ST3GAL5: variants seen among roughly 807,000 people sequenced by gnomAD.
ST3GAL5 encodes the protein lactosylceramide alpha-2,3-sialyltransferase.
Under a neutral mutation model 46.1 loss-of-function variants are expected in ST3GAL5, and 25 were observed. The ratio of observed to expected loss-of-function variants is 0.54; its 90% CI spans 0.40 to 0.76. The LOEUF (loss-of-function observed/expected upper bound fraction) is 0.76, where lower values mean the gene tolerates loss of function less well. Ranked by LOEUF, ST3GAL5 falls within the 30% of genes least tolerant of loss-of-function variation. The probability of loss-of-function intolerance (pLI) is 0.00; values close to 1 mark genes in which losing one functional copy is unlikely to be tolerated. For synonymous variants in ST3GAL5, 182 were observed against 192.7 expected (o/e 0.94, Z 0.46); for missense variants, 431 against 521.2 (o/e 0.83, Z 1.69).
chr2:85,872,128 C>T (rs571499877), intron 1 of ST3GAL5, among the ~76,000 whole-genome samples: 4 of 151,894 alleles, frequency 2.6e-5, no homozygotes, highest in African/African-American at 4.8e-5. Context: ...GTGAGGGGGA[C>T]GGGGAAGGAA....
At chr2:85,871,200 C>A (rs1307301469) in intron 1 of ST3GAL5, among the ~76,000 whole-genome samples, 1 of 152,196 alleles carries the variant, frequency 6.6e-6, no homozygotes, top group East Asian at 1.9e-4. Flanking sequence ...CCATACCCAG[C>A]TGATTTTTTT....
intron 1 of ST3GAL5, 59 bp from the exon 2 acceptor site, chr2:85,863,544 G>A (rs1684955003): frequency 6.3e-7 from 1 of 1,594,122 alleles, no homozygotes; most frequent in African/African-American, 1.3e-5. Context: ...TAGGAGGATG[G>A]ATTATGGTTT....
chr2:85,875,099 A>G (rs1283131504), intron 1 of ST3GAL5, among the ~76,000 whole-genome samples: 2 of 152,162 alleles, frequency 1.3e-5, no homozygotes, highest in Admixed American at 1.3e-4. Context: ...TCGCTCTGTC[A>G]GCCAGGCTGG....
At chr2:85,864,794 A>G (rs1306245904) in intron 1 of ST3GAL5, among the ~76,000 whole-genome samples, 3 of 152,154 alleles carry the variant, frequency 2.0e-5, no homozygotes, top group Non-Finnish European at 2.9e-5. Flanking sequence ...CTGGATTTTT[A>G]GTGGGGCATA....
chr2:85,873,959 A>G (rs1355909031), intron 1 of ST3GAL5, among the ~76,000 whole-genome samples: 1 of 152,242 alleles, frequency 6.6e-6, no homozygotes, highest in Non-Finnish European at 1.5e-5. Flanking sequence ...CCTGCCCACC[A>G]GCAAGTTTCT....
chr2:85,844,591 C>T (rs746434169), intron 5 of ST3GAL5, 37 bp from the exon 6 acceptor site: 1 of 1,613,176 alleles, frequency 6.2e-7, no homozygotes, highest in Admixed American at 1.7e-5. Flanking sequence ...AGTCATCCTT[C>T]TAGGGGAGGG....
chr2:85,888,841 G>A lies in ST3GAL5; in HGVS notation c.65C>T (p.Ala22Val), dbSNP rs1357263916. 2.3e-6 allele frequency: 3 copies of A among 1,296,048 alleles called. No homozygotes were observed. The highest frequency in any genetic ancestry group is 2.9e-6 in the Non-Finnish European group (3 of 1,019,346). 80.3% of individuals were successfully genotyped at this position (1,296,048 alleles called of 1,614,324 possible). ...CCACGTACCTCGGCCGGCAGGTGCC[G>A]CCGCTGCCTCGGTCCGCGGCTGCAG... ...RPLQPRTEAA[A>V]APAGRAMPSE... The change falls in exon 1 of 7, where the codon GCG becomes GTG. Residue 22 changes from alanine (A) to valine (V), a missense_variant. By Grantham distance (64) the Ala-to-Val change is moderately conservative. Transcript: ENST00000638572.
intron 3 of ST3GAL5, chr2:85,848,432 T>C (rs1301379418): frequency 1.5e-5 from 22 of 1,506,878 alleles, no homozygotes; most frequent in Non-Finnish European, 1.7e-5. Flanking sequence ...ATTCATTTCA[T>C]TGCACAGGCA....
chr2:85,887,544 C>A (rs1687887472), intron 1 of ST3GAL5: 2 of 152,234 alleles, frequency 1.3e-5, no homozygotes, highest in Non-Finnish European at 2.9e-5. Flanking sequence ...GTTATATGCT[C>A]TCGCAGTTCG....
chr2:85,846,914 C>CA (rs545710439), intron 4 of ST3GAL5: 72 of 211,830 alleles, frequency 3.4e-4, no homozygotes, highest in African/African-American at 1.6e-3. Context: ...GCCAGAATTT[C>CA]AAAAAAGGAA....
chr2:85,870,156 G>A (rs917652082), intron 1 of ST3GAL5: 5 of 467,798 alleles, frequency 1.1e-5, no homozygotes, highest in African/African-American at 4.0e-5. Context: ...TTCTTCATAA[G>A]TTTTTTACTT....
At chr2:85,852,152 T>C (rs1683581173) in intron 3 of ST3GAL5, among the ~76,000 whole-genome samples, 1 of 152,240 alleles carries the variant, frequency 6.6e-6, no homozygotes, top group South Asian at 2.1e-4. Flanking sequence ...AAAGGCAATG[T>C]TCTATTGCAC....
Position 85,888,953 on chromosome 2 carries a change from C to T in ST3GAL5, c.-48G>A. Reference sequence around the variant, plus strand: ...GCCGCCAGCCCGGTACCCCGCGCCCCCACCCGCCCCCAGCGCCGCTCTCGC... The same window carrying T: ...GCCGCCAGCCCGGTACCCCGCGCCCTCACCCGCCCCCAGCGCCGCTCTCGC... On this transcript the variant is annotated 5_prime_UTR_variant, in exon 1 of 7. Coordinates refer to ENST00000638572, the MANE Select transcript of ST3GAL5 (RefSeq NM_003896.4). The T allele has an allele frequency of 8.0e-7, 1 of 1,252,430 alleles. No homozygotes were observed. Among genetic ancestry groups the T allele is most frequent in the Non-Finnish European group, 1.0e-6 (1 of 994,226 alleles). 77.6% of individuals were successfully genotyped at this position (1,252,430 alleles called of 1,614,324 possible).
Position 85,861,299 on chromosome 2 carries a change from A to C in ST3GAL5, c.207-7T>G, listed in dbSNP as rs779150485. The C allele has an allele frequency of 2.1e-5, 32 of 1,553,316 alleles. No homozygotes were observed. The South Asian group carries it at 3.2e-4, about 16-fold the overall frequency. On this transcript the variant is annotated splice_polypyrimidine_tract_variant and splice_region_variant and intron_variant, in intron 2 of 6. Transcript: ENST00000638572. ...AAACACAAGCAATGTACATCTGGAAAAAAATCAATTAGGTATTATGATGTA... is the reference window on the plus strand; with the variant it reads ...AAACACAAGCAATGTACATCTGGAACAAAATCAATTAGGTATTATGATGTA...
intron 1 of ST3GAL5, among the ~76,000 whole-genome samples, chr2:85,872,584 CAA>C (rs11298476): frequency 1.6e-3 from 224 of 136,748 alleles, no homozygotes; most frequent in Non-Finnish European, 1.7e-3. Context: ...AGCTCCATCT[CAA>C]AAAAAAAAAA....
chr2:85,872,211 G>C (rs1030316114), intron 1 of ST3GAL5, among the ~76,000 whole-genome samples: 1 of 152,138 alleles, frequency 6.6e-6, no homozygotes, highest in Non-Finnish European at 1.5e-5. Flanking sequence ...AAGCAAGAGT[G>C]GTGATGAACA....
chr2:85,869,951 C>G, intron 1 of ST3GAL5: 3 of 317,428 alleles, frequency 9.5e-6, no homozygotes, highest in Admixed American at 7.6e-5. Flanking sequence ...TGAGCGCGCA[C>G]ACACACGCAC....
intron 3 of ST3GAL5, chr2:85,858,283 T>G (rs1684368944): frequency 6.6e-6 from 1 of 152,268 alleles, no homozygotes; most frequent in Non-Finnish European, 1.5e-5. Context: ...AGCCCCTCCC[T>G]GTCTAATGTC....
rs549592287 is a variant in ST3GAL5, at chr2:85,882,223, A to G, written c.82+6601T>C. Among the ~76,000 whole-genome samples the G allele has an allele frequency of 3.3e-5, 5 of 152,268 alleles. No homozygotes were observed. In the East Asian group the frequency reaches 7.7e-4, roughly 24 times the overall value. ...TGCAGGGGCGGGGACCTCATGGAGA[A>G]CCTCTGTTAGGGCAGTGCAGAAGGG... On this transcript the variant is annotated intron_variant, in intron 1 of 6. Coordinates refer to ENST00000638572, the MANE Select transcript of ST3GAL5 (RefSeq NM_003896.4).
Sources: allele counts gnomAD v4.1 joint callset (sites outside exome capture counted in the v4.1 genomes callset), GRCh38; gene constraint gnomAD v4.1.1; transcripts MANE v1.5; gene names NCBI Gene and HGNC (gene_info 2026-07-23, HGNC 2026-07-21).